IL5RA: variants seen among roughly 807,000 people sequenced by gnomAD.
IL5RA encodes the protein interleukin-5 receptor subunit alpha.
IL5RA carries 49 observed loss-of-function variants against 50.0 expected under a neutral mutation model. The ratio of observed to expected loss-of-function variants is 0.98; its 90% CI spans 0.78 to 1.24. The LOEUF is 1.24. Among genes scored for constraint, IL5RA ranks in the 50% most tolerant of loss-of-function variants. The probability of loss-of-function intolerance (pLI) is 0.00; values close to 1 mark genes in which losing one functional copy is unlikely to be tolerated. For missense variants in IL5RA, 600 were observed against 500.4 expected, an observed-to-expected ratio of 1.20 and a Z score of -1.90; for synonymous variants, 202 against 174.0, an observed-to-expected ratio of 1.16 and a Z score of -1.26.
At chr3:3,071,383 G>A (rs1319836405) in intron 11 of IL5RA, among the ~76,000 whole-genome samples, 1 of 152,188 alleles carries the variant, frequency 6.6e-6, no homozygotes, top group East Asian at 1.9e-4. Context: ...CAACACTTTG[G>A]GAGGCTGAAG....
chr3:3,077,562 A>G (rs1702530269), intron 9 of IL5RA, among the ~76,000 whole-genome samples: 1 of 152,212 alleles, frequency 6.6e-6, no homozygotes, highest in Non-Finnish European at 1.5e-5. Context: ...TGAGGCCAGG[A>G]GTTTGAAACC....
intron 9 of IL5RA, among the ~76,000 whole-genome samples, chr3:3,076,831 TAG>T (rs1296652800): frequency 1.3e-5 from 2 of 152,180 alleles, no homozygotes; most frequent in Non-Finnish European, 2.9e-5. Flanking sequence ...AAAGTTGATA[TAG>T]GGTGAGATGA....
At chr3:3,100,781 A>T (rs1457319518) in intron 5 of IL5RA, among the ~76,000 whole-genome samples, 1 of 152,118 alleles carries the variant, frequency 6.6e-6, no homozygotes, top group Non-Finnish European at 1.5e-5. Context: ...TCCTGTATCT[A>T]CCTTGGATTA....
intron 8 of IL5RA, among the ~76,000 whole-genome samples, chr3:3,094,720 GT>G (rs1203712796): frequency 8.5e-6 from 1 of 117,714 alleles, no homozygotes; most frequent in Non-Finnish European, 2.0e-5. Context: ...TTAGTTTTTT[GT>G]TTTTTTGTTT....
In IL5RA at chr3:3,098,242, G is replaced by A. The variant is rs1200460864; in HGVS notation, c.416C>T (p.Thr139Ile). The stretch of plus-strand genomic sequence containing the variant: ...CCTTAAACGTGAATAATTGTCTTCT[G>A]TAGTGTTTGTGGTGCAAGTTAAATT... ...IVNLTCTTNT[T>I]EDNYSRLRSY... The change falls in exon 6 of 12, where the codon ACA (threonine) becomes ATA (isoleucine). Residue 139 changes from threonine (T) to isoleucine (I), a missense_variant. Thr to Ile is a moderately conservative substitution (Grantham distance 89). Coordinates refer to ENST00000446632, the MANE Select transcript of IL5RA (RefSeq NM_175726.4). 5 of 1,613,888 alleles carry A rather than the reference G, an allele frequency of 3.1e-6. No homozygotes were observed. Among genetic ancestry groups the A allele is most frequent in the East Asian group, 2.2e-5 (1 of 44,894 alleles).
At chr3:3,081,734 A>T (rs142460727) in intron 9 of IL5RA, among the ~76,000 whole-genome samples, 1 of 152,230 alleles carries the variant, frequency 6.6e-6, no homozygotes, top group Non-Finnish European at 1.5e-5. Flanking sequence ...TAGCAAAAAT[A>T]TAGAGGCAAC....
intron 7 of IL5RA, 151 bp from the exon 8 acceptor site, chr3:3,095,595 C>T (rs1703323919): frequency 1.5e-6 from 1 of 671,158 alleles, no homozygotes; most frequent in East Asian, 2.7e-5. Context: ...ATCTCCAAGC[C>T]ACAGGAAGCC....
intron 9 of IL5RA, among the ~76,000 whole-genome samples, chr3:3,083,762 T>C (rs1161771661): frequency 6.6e-6 from 1 of 152,160 alleles, no homozygotes; most frequent in Non-Finnish European, 1.5e-5. Flanking sequence ...AGAGGGTTAG[T>C]CCTAGACCAA....
At chr3:3,081,602 T>C (rs1374302413) in intron 9 of IL5RA, among the ~76,000 whole-genome samples, 1 of 152,242 alleles carries the variant, frequency 6.6e-6, no homozygotes, top group African/African-American at 2.4e-5. Context: ...TAGCCTGATA[T>C]GGCAAGTTTT....
chr3:3,085,068 C>T (rs1266951217), intron 9 of IL5RA, among the ~76,000 whole-genome samples: 1 of 152,228 alleles, frequency 6.6e-6, no homozygotes, highest in Non-Finnish European at 1.5e-5. Context: ...GTGGGATGAC[C>T]ACAGGCGTGA....
intron 8 of IL5RA, among the ~76,000 whole-genome samples, chr3:3,093,393 G>A (rs1703217439): frequency 6.6e-6 from 1 of 152,214 alleles, no homozygotes; most frequent in Non-Finnish European, 1.5e-5. Context: ...TGGAAGTTTT[G>A]ATAGCAATTT....
chr3:3,101,253 T>C (rs1575007062), intron 5 of IL5RA, among the ~76,000 whole-genome samples: 2 of 151,932 alleles, frequency 1.3e-5, no homozygotes, highest in East Asian at 3.9e-4. Context: ...TCAGGAGGTA[T>C]GGTCTTTTCA....
intron 10 of IL5RA, among the ~76,000 whole-genome samples, chr3:3,075,676 C>T (rs1702453727): frequency 1.3e-5 from 2 of 151,712 alleles, no homozygotes; most frequent in South Asian, 4.2e-4. Flanking sequence ...TCTTGGCTCA[C>T]TATAGCCTCC....
intron 9 of IL5RA, among the ~76,000 whole-genome samples, chr3:3,083,333 C>T (rs759650901): frequency 3.9e-5 from 6 of 152,168 alleles, no homozygotes; most frequent in Non-Finnish European, 7.3e-5. Context: ...GTGAAGGACC[C>T]GGATCACACA....
At chr3:3,096,700 A>C (rs1434940678) in intron 7 of IL5RA, among the ~76,000 whole-genome samples, 2 of 152,212 alleles carry the variant, frequency 1.3e-5, no homozygotes, top group African/African-American at 4.8e-5. Context: ...TATTTTCATG[A>C]AAGTGACATT....
At position 3,101,723 on chromosome 3, in the gene IL5RA, G is replaced by A. The variant is rs1206209416; in HGVS notation, c.336C>T (p.Ser112=). The A allele has an allele frequency of 1.2e-6, 2 of 1,613,998 alleles. No individual in the cohort carries two copies. Among genetic ancestry groups the A allele is most frequent in the Middle Eastern group, 1.6e-4 (1 of 6,080 alleles). Residue 112 remains serine (S), a synonymous_variant, in exon 5 of 12, where the codon AGC becomes AGT. Transcript: ENST00000446632. ...GGGCATGAAGTTCAGCAGAAGCCCA[G>A]CTGCTGGCCAGTAGTGAGTGGTCGT... The part of the protein sequence containing the change: ...LQNDHSLLAS[S]WASAELHAPP...
At chr3:3,094,777 C>T (rs1703276076) in intron 8 of IL5RA, among the ~76,000 whole-genome samples, 1 of 152,096 alleles carries the variant, frequency 6.6e-6, no homozygotes, top group African/African-American at 2.4e-5. Flanking sequence ...GGCTGGAGTG[C>T]AGTGGCGCCA....
intron 3 of IL5RA, chr3:3,103,159 A>C (rs1246157436): frequency 5.9e-6 from 1 of 170,360 alleles, no homozygotes; most frequent in Non-Finnish European, 1.2e-5. Flanking sequence ...CTAGGATTAC[A>C]GGCATGAGCC....
chr3:3,081,895 T>G (rs1246549766), intron 9 of IL5RA, among the ~76,000 whole-genome samples: 1 of 152,214 alleles, frequency 6.6e-6, no homozygotes, highest in Non-Finnish European at 1.5e-5. Flanking sequence ...GCATTAGGGC[T>G]ACTCCCCTAT....
Sources: gnomAD v4.1 joint callset for allele counts (sites outside exome capture counted in the v4.1 genomes callset) on GRCh38, gnomAD v4.1.1 for gene constraint, MANE v1.5 for transcripts, NCBI Gene and HGNC (gene_info 2026-07-23, HGNC 2026-07-21) for gene names.